ERI3: variants seen among roughly 807,000 people sequenced by gnomAD.
The protein encoded by ERI3 is ERI1 exoribonuclease 3.
Under a neutral mutation model 44.4 loss-of-function variants are expected in ERI3, and 18 were observed. The observed-to-expected ratio is 0.41, with a 90% CI of 0.28 to 0.60. The LOEUF is 0.60. Among genes scored for constraint, ERI3 ranks in the 20% least tolerant of loss-of-function variants. ERI3 has a pLI of 0.36. For missense variants in ERI3, 294 were observed against 435.5 expected, an observed-to-expected ratio of 0.68 and a Z score of 2.89; for synonymous variants, 183 against 164.8, an observed-to-expected ratio of 1.11 and a Z score of -0.84.
chr1:44,258,349 C>A (rs1279479214), intron 7 of ERI3, among the ~76,000 whole-genome samples: 1 of 152,214 alleles, frequency 6.6e-6, no homozygotes, highest in Non-Finnish European at 1.5e-5. Context: ...ACCGCCACCA[C>A]CACCCACCCA....
At chr1:44,346,208 A>G (rs1646780063) in intron 2 of ERI3, among the ~76,000 whole-genome samples, 1 of 152,234 alleles carries the variant, frequency 6.6e-6, no homozygotes, top group Non-Finnish European at 1.5e-5. Context: ...ACAGCTATGG[A>G]GAGCTCCCCC....
At chr1:44,333,161 C>T (rs1030190945) in intron 3 of ERI3, among the ~76,000 whole-genome samples, 5 of 152,164 alleles carry the variant, frequency 3.3e-5, no homozygotes, top group African/African-American at 1.2e-4. Context: ...TAACACCATC[C>T]ACACTAACAC....
intron 2 of ERI3, among the ~76,000 whole-genome samples, chr1:44,346,116 C>G (rs772967822): frequency 9.2e-5 from 14 of 152,154 alleles, no homozygotes; most frequent in Non-Finnish European, 2.1e-4. Context: ...AAACTGAGTC[C>G]TCACCTCAAC....
At chr1:44,238,111 C>T in intron 8 of ERI3, among the ~76,000 whole-genome samples, 1 of 152,160 alleles carries the variant, frequency 6.6e-6, no homozygotes, top group East Asian at 1.9e-4. Context: ...TAACGTGCTG[C>T]CCATGCTGTT....
chr1:44,274,970 C>T (rs1012991283), intron 7 of ERI3, among the ~76,000 whole-genome samples: 2 of 152,190 alleles, frequency 1.3e-5, no homozygotes, highest in Admixed American at 1.3e-4. Context: ...CAACTGCCCA[C>T]TGCCCCATGG....
chr1:44,302,901 A>G (rs1645756786), intron 6 of ERI3, among the ~76,000 whole-genome samples: 2 of 152,248 alleles, frequency 1.3e-5, no homozygotes, highest in Admixed American at 1.3e-4. Context: ...TGCCCTTGAC[A>G]AATTACTTAC....
chr1:44,309,418 C>G (rs766621398), intron 5 of ERI3, among the ~76,000 whole-genome samples: 3 of 152,030 alleles, frequency 2.0e-5, no homozygotes, highest in Non-Finnish European at 2.9e-5. Flanking sequence ...TTGCTTGGGC[C>G]TGGGAGGTGG....
intron 3 of ERI3, among the ~76,000 whole-genome samples, chr1:44,324,351 C>T (rs1036962565): frequency 1.3e-5 from 2 of 152,090 alleles, no homozygotes; most frequent in South Asian, 2.1e-4. Flanking sequence ...GCACTTTCTA[C>T]TAGATCTACT....
intron 7 of ERI3, among the ~76,000 whole-genome samples, chr1:44,266,494 G>A (rs770503652): frequency 3.3e-5 from 5 of 152,180 alleles, no homozygotes; most frequent in Admixed American, 6.5e-5. Flanking sequence ...TTCAGGCACA[G>A]GAAACAACTT....
At chr1:44,251,174 C>G (rs2154318518) in intron 7 of ERI3, among the ~76,000 whole-genome samples, 1 of 152,392 alleles carries the variant, frequency 6.6e-6, no homozygotes, top group South Asian at 2.1e-4. Flanking sequence ...AACATATGGT[C>G]TGGATCCTCA....
intron 8 of ERI3, among the ~76,000 whole-genome samples, chr1:44,227,548 C>CGTAT (rs1644074514): frequency 1.3e-5 from 2 of 150,210 alleles, no homozygotes; most frequent in African/African-American, 5.1e-5. Context: ...ACAGGACATA[C>CGTAT]TTATACTATA....
Position 44,308,552 on chromosome 1 carries a change from G to C in ERI3, c.667-151C>G. The C allele has an allele frequency of 1.4e-5, 10 of 708,996 alleles. 1 individual carries two copies. In the South Asian group the frequency reaches 1.7e-4, roughly 12 times the overall value. The allele number at this position is 708,996 out of a possible 1,614,324, so 43.9% of individuals were successfully genotyped here. A position where few individuals can be genotyped will look rare whatever the true frequency, so the allele number is the denominator to read the frequency against. The stretch of plus-strand genomic sequence containing the variant: ...CCATGGCTCCACTGTGGGCTCTCAG[G>C]CTTGGCTCAGAACCACGGAGGCATT... On this transcript the variant is annotated intron_variant, in intron 5 of 8. Coordinates refer to ENST00000372257, the MANE Select transcript of ERI3 (RefSeq NM_024066.3).
chr1:44,280,013 C>G (rs1483547841), intron 7 of ERI3, among the ~76,000 whole-genome samples: 1 of 152,156 alleles, frequency 6.6e-6, no homozygotes, highest in African/African-American at 2.4e-5. Flanking sequence ...CTACCAGCCA[C>G]CTAGATCACC....
chr1:44,306,716 A>C (rs988274804), intron 6 of ERI3, among the ~76,000 whole-genome samples: 2 of 152,232 alleles, frequency 1.3e-5, no homozygotes, highest in Admixed American at 1.3e-4. Context: ...TTAAAGTAGA[A>C]GATTCTGAAA....
In ERI3 at chr1:44,352,916, A is replaced by G. The variant is rs193206896; in HGVS notation, c.145T>C (p.Phe49Leu). ...SWGQHPGHWG[F>L]PALTEPSASP... ...GCTGAAGGTTCTGTGAGAGCTGGAA[A>G]GCCCCAATGCTGTGGATAAATACAC... The change falls in exon 2 of 9, where the codon TTT becomes CTT. Residue 49 changes from phenylalanine (F) to leucine (L), a missense_variant. Physicochemically the swap from Phe to Leu is conservative, Grantham distance 22 (BLOSUM62 0). This residue lies in a region of ERI3 where 107 missense variants were observed against 96.9 expected (regional missense o/e 1.10). Coordinates refer to ENST00000372257, the MANE Select transcript of ERI3 (RefSeq NM_024066.3). 2 of 1,614,208 alleles carry G rather than the reference A, an allele frequency of 1.2e-6. No individual in the cohort carries two copies. Among genetic ancestry groups the G allele is most frequent in the African/African-American group, 2.7e-5 (2 of 75,056 alleles).
intron 7 of ERI3, among the ~76,000 whole-genome samples, chr1:44,272,314 T>C (rs1000977448): frequency 2.6e-5 from 4 of 152,162 alleles, no homozygotes; most frequent in Non-Finnish European, 4.4e-5. Flanking sequence ...ATTTACAGGT[T>C]CAGAGAGGGA....
chr1:44,351,134 A>AG (rs796754692), intron 2 of ERI3, among the ~76,000 whole-genome samples: 25 of 151,732 alleles, frequency 1.6e-4, no homozygotes, highest in African/African-American at 6.1e-4. Context: ...TCTGGGTTCA[A>AG]GCAATTCTCC....
chr1:44,331,485 C>T (rs1337730090), intron 3 of ERI3, among the ~76,000 whole-genome samples: 2 of 152,126 alleles, frequency 1.3e-5, no homozygotes, highest in African/African-American at 4.8e-5. Flanking sequence ...ACACCATATC[C>T]ACTTTCACCC....
At chr1:44,338,007 C>T (rs1167534299) in intron 3 of ERI3, among the ~76,000 whole-genome samples, 1 of 152,124 alleles carries the variant, frequency 6.6e-6, no homozygotes, top group East Asian at 1.9e-4. Flanking sequence ...TACATCAGCC[C>T]CCAATCATTC....
Sources: allele counts gnomAD v4.1 joint callset (sites outside exome capture counted in the v4.1 genomes callset), GRCh38; gene constraint gnomAD v4.1.1; regional missense constraint gnomAD v4.1.1; transcripts MANE v1.5; gene names NCBI Gene and HGNC (gene_info 2026-07-23, HGNC 2026-07-21).